ANK3: variants seen among roughly 807,000 people sequenced by gnomAD.
ANK3 encodes ankyrin-3.
Under a neutral mutation model 370.9 loss-of-function variants are expected in ANK3, and 57 were observed. The observed-to-expected ratio is 0.15, with a 90% CI of 0.12 to 0.19. The LOEUF (loss-of-function observed/expected upper bound fraction) is 0.19. Ranked by LOEUF, ANK3 falls within the 10% of genes least tolerant of loss-of-function variation. The pLI is 1.00. For synonymous variants in ANK3, 1,929 were observed against 1,946.3 expected (o/e 0.99, Z 0.23); for missense variants, 4,439 against 5,302.1 (o/e 0.84, Z 5.06).
At chr10:60,487,665 A>C (rs568172159) in intron 2 of ANK3, among the ~76,000 whole-genome samples, 31 of 152,202 alleles carry the variant, frequency 2.0e-4, no homozygotes, top group African/African-American at 7.5e-4. Flanking sequence ...AACTAGACCT[A>C]AGATCTGCAT....
chr10:60,578,603 T>C (rs1352943188), intron 2 of ANK3, among the ~76,000 whole-genome samples: 2 of 152,230 alleles, frequency 1.3e-5, no homozygotes, highest in Non-Finnish European at 2.9e-5. Flanking sequence ...CTGCTTATAT[T>C]TGAGTCCACA....
intron 2 of ANK3, among the ~76,000 whole-genome samples, chr10:60,485,098 G>C (rs1393902131): frequency 6.6e-6 from 1 of 152,084 alleles, no homozygotes; most frequent in African/African-American, 2.4e-5. Context: ...GGACACCCAG[G>C]TAATAGCACC....
intron 18 of ANK3, among the ~76,000 whole-genome samples, chr10:60,175,426 G>C (rs1244609731): frequency 6.6e-6 from 1 of 152,156 alleles, no homozygotes; most frequent in Non-Finnish European, 1.5e-5. Context: ...ATTTTTCAAA[G>C]ACTCCCTATT....
At chr10:60,465,357 C>T (rs1413973673) in intron 2 of ANK3, among the ~76,000 whole-genome samples, 1 of 152,114 alleles carries the variant, frequency 6.6e-6, no homozygotes, top group East Asian at 1.9e-4. Context: ...CCTACGTCAA[C>T]TATAAAAATT....
intron 2 of ANK3, among the ~76,000 whole-genome samples, chr10:60,494,967 G>A (rs953685111): frequency 1.3e-5 from 2 of 152,152 alleles, no homozygotes; most frequent in South Asian, 2.1e-4. Flanking sequence ...AACTCTAGCT[G>A]TACAAGGAAC....
chr10:60,387,108 C>T (rs979963846), intron 1 of ANK3, among the ~76,000 whole-genome samples: 1 of 151,250 alleles, frequency 6.6e-6, no homozygotes, highest in South Asian at 2.1e-4. Context: ...TGCAGTGAGC[C>T]GAGATCATGC....
chr10:60,087,287 C>T (rs1456809107), intron 29 of ANK3, among the ~76,000 whole-genome samples: 3 of 152,180 alleles, frequency 2.0e-5, no homozygotes, highest in South Asian at 2.1e-4. Context: ...AAAACCGAGG[C>T]TTTCAGAGTT....
chr10:60,109,811 T>C (rs542263701), intron 26 of ANK3, among the ~76,000 whole-genome samples: 2 of 152,206 alleles, frequency 1.3e-5, no homozygotes, highest in South Asian at 2.1e-4. Flanking sequence ...TTAATAGGTA[T>C]AGAACTATAA....
chr10:60,229,107 C>A (rs2097206183), intron 8 of ANK3, among the ~76,000 whole-genome samples: 1 of 152,180 alleles, frequency 6.6e-6, no homozygotes, highest in Non-Finnish European at 1.5e-5. Context: ...CAAAGATATT[C>A]TCTCGTGTTT....
chr10:60,578,147 G>A (rs896961957), intron 2 of ANK3, among the ~76,000 whole-genome samples: 21 of 152,224 alleles, frequency 1.4e-4, no homozygotes, highest in Admixed American at 1.0e-3. Flanking sequence ...GTTTTGTTCC[G>A]AGTTTTCTTT....
chr10:60,131,990 T>C (rs1379340576), intron 25 of ANK3, among the ~76,000 whole-genome samples: 1 of 152,188 alleles, frequency 6.6e-6, no homozygotes. Flanking sequence ...ATTTTACGTT[T>C]TGTGGGGTCT....
intron 15 of ANK3, 117 bp downstream of exon 15, chr10:60,196,410 A>T: frequency 2.2e-6 from 2 of 916,420 alleles, no homozygotes; most frequent in Non-Finnish European, 3.4e-6. Flanking sequence ...AGTGCTCTTC[A>T]TCCTAGTGGG....
At chr10:60,571,140 T>A (rs2077587846) in intron 2 of ANK3, among the ~76,000 whole-genome samples, 1 of 151,132 alleles carries the variant, frequency 6.6e-6, no homozygotes, top group South Asian at 2.1e-4. Flanking sequence ...ACCTGCTCCC[T>A]TGGGAAATCA....
chr10:60,152,429 A>C (rs1590904934), intron 23 of ANK3, among the ~76,000 whole-genome samples: 1 of 152,274 alleles, frequency 6.6e-6, no homozygotes, highest in African/African-American at 2.4e-5. Flanking sequence ...TCTATAGAAA[A>C]AGTCTGCTGA....
chr10:60,460,629 C>T (rs1466185994), intron 2 of ANK3, among the ~76,000 whole-genome samples: 1 of 152,022 alleles, frequency 6.6e-6, no homozygotes. Flanking sequence ...TCTGAAATAT[C>T]TAAGAAGTTG....
At chr10:60,404,248 A>G (rs532323371) in intron 2 of ANK3, among the ~76,000 whole-genome samples, 1 of 152,164 alleles carries the variant, frequency 6.6e-6, no homozygotes, top group Non-Finnish European at 1.5e-5. Flanking sequence ...CTTATTATAA[A>G]ATTTGTATGT....
At chr10:60,385,419 A>T (rs2132850701) in intron 1 of ANK3, among the ~76,000 whole-genome samples, 1 of 151,878 alleles carries the variant, frequency 6.6e-6, no homozygotes, top group South Asian at 2.1e-4. Context: ...TTCTCTATGG[A>T]GGGTGATTAG....
intron 28 of ANK3, among the ~76,000 whole-genome samples, chr10:60,098,379 A>G (rs1479968348): frequency 3.3e-5 from 5 of 152,212 alleles, no homozygotes; most frequent in African/African-American, 1.2e-4. Flanking sequence ...CAATTACTGA[A>G]AATTAAATAT....
chr10:60,279,456 C>T, intron 2 of ANK3, 82 bp downstream of exon 2: 1 of 1,111,944 alleles, frequency 9.0e-7, no homozygotes, highest in Non-Finnish European at 1.3e-6. Flanking sequence ...AAAAACCCCA[C>T]AAATAAATGA....
Sources: allele counts gnomAD v4.1 joint callset (sites outside exome capture counted in the v4.1 genomes callset), GRCh38; gene constraint gnomAD v4.1.1; transcripts MANE v1.5; gene names NCBI Gene and HGNC (gene_info 2026-07-23, HGNC 2026-07-21).